SLC4A10: variants seen among roughly 807,000 people sequenced by gnomAD.
SLC4A10 encodes sodium-driven chloride bicarbonate exchanger.
Under a neutral mutation model 137.7 loss-of-function variants are expected in SLC4A10, and 42 were observed. That is an observed-to-expected ratio of 0.30 (90% CI 0.24 to 0.39). The LOEUF is 0.39. Among genes scored for constraint, SLC4A10 ranks in the 10% least tolerant of loss-of-function variants. SLC4A10 has a pLI of 1.00. For missense variants in SLC4A10, 925 were observed against 1,355.0 expected, an observed-to-expected ratio of 0.68 and a Z score of 4.98; for synonymous variants, 474 against 464.1, an observed-to-expected ratio of 1.02 and a Z score of -0.27.
chr2:161,765,608 CAAAAA>C (rs370721653), intron 1 of SLC4A10, among the ~76,000 whole-genome samples: 4 of 93,166 alleles, frequency 4.3e-5, no homozygotes, highest in Admixed American at 3.6e-4. Flanking sequence ...GAGCAAGACT[CAAAAA>C]AAAAAAAAAA....
Position 161,901,025 on chromosome 2 carries a change from A to G in SLC4A10, c.1442+14A>G. ...GCGAACTGGAAGGTTAGTGAAAATC[A>G]CTTCTATGGGACTTCAAGGACCAAA... On this transcript the variant is annotated intron_variant, in intron 12 of 26. Coordinates refer to ENST00000446997, the MANE Select transcript of SLC4A10 (RefSeq NM_001178015.2). 6.5e-7 allele frequency: 1 copy of G among 1,535,850 alleles called. No individual in the cohort carries two copies. Among genetic ancestry groups the G allele is most frequent in the Non-Finnish European group, 8.8e-7 (1 of 1,131,188 alleles).
At chr2:161,942,720 G>A (rs559087467) in intron 15 of SLC4A10, 72 bp from the exon 16 acceptor site, 67 of 1,155,000 alleles carry the variant, frequency 5.8e-5, no homozygotes, top group South Asian at 1.7e-4. Flanking sequence ...AAATGGAGCC[G>A]TTATACATTA....
chr2:161,904,322 T>C, intron 13 of SLC4A10, 144 bp downstream of exon 13: 1 of 869,518 alleles, frequency 1.2e-6, no homozygotes, highest in South Asian at 2.0e-5. Context: ...ATGAATTTCC[T>C]GGATGGCTAG....
chr2:161,859,809 C>G (rs2060328123), intron 5 of SLC4A10, among the ~76,000 whole-genome samples: 1 of 151,914 alleles, frequency 6.6e-6, no homozygotes, highest in Admixed American at 6.6e-5. Context: ...ACCGTGTTAG[C>G]CAGGATGGTC....
chr2:161,801,856 T>A (rs1559280928), intron 2 of SLC4A10, among the ~76,000 whole-genome samples: 1 of 152,088 alleles, frequency 6.6e-6, no homozygotes. Context: ...GTACTTTTTT[T>A]AAAGGTTGCA....
intron 1 of SLC4A10, among the ~76,000 whole-genome samples, chr2:161,727,786 A>G (rs1010131534): frequency 1.3e-5 from 2 of 152,186 alleles, no homozygotes; most frequent in Non-Finnish European, 2.9e-5. Context: ...AAAATCTGAC[A>G]TAACAGTTCC....
At chr2:161,758,803 A>C (rs1044388372) in intron 1 of SLC4A10, among the ~76,000 whole-genome samples, 1 of 151,960 alleles carries the variant, frequency 6.6e-6, no homozygotes, top group Admixed American at 6.6e-5. Flanking sequence ...CTACCAGTCC[A>C]TAGTATGTAA....
chr2:161,877,592 T>C (rs2061516430), intron 8 of SLC4A10, among the ~76,000 whole-genome samples: 1 of 152,142 alleles, frequency 6.6e-6, no homozygotes, highest in Non-Finnish European at 1.5e-5. Flanking sequence ...ATAAATCCCA[T>C]GAAATTTAAC....
At chr2:161,864,766 T>C (rs191672433) in intron 6 of SLC4A10, among the ~76,000 whole-genome samples, 1 of 152,130 alleles carries the variant, frequency 6.6e-6, no homozygotes, top group Non-Finnish European at 1.5e-5. Context: ...AAATCACAAT[T>C]TGCTTTAAAA....
intron 18 of SLC4A10, among the ~76,000 whole-genome samples, chr2:161,950,255 G>A (rs1694564975): frequency 6.6e-6 from 1 of 151,954 alleles, no homozygotes; most frequent in African/African-American, 2.4e-5. Flanking sequence ...CTAGCACAGT[G>A]GTCAATGTGT....
chr2:161,981,150 A>G (rs1316160209), intron 26 of SLC4A10, among the ~76,000 whole-genome samples: 1 of 152,232 alleles, frequency 6.6e-6, no homozygotes, highest in Non-Finnish European at 1.5e-5. Context: ...GATCAAGTTG[A>G]TATTATGAAT....
intron 24 of SLC4A10, among the ~76,000 whole-genome samples, chr2:161,974,628 G>T (rs566778676): frequency 6.6e-5 from 10 of 152,186 alleles, no homozygotes; most frequent in African/African-American, 9.6e-5. Context: ...ACAGATCAAG[G>T]TTCCTTTTTT....
intron 2 of SLC4A10, among the ~76,000 whole-genome samples, chr2:161,800,111 ATATCTCTGAGG>A (rs2055208836): frequency 6.6e-6 from 1 of 152,008 alleles, no homozygotes; most frequent in African/African-American, 2.4e-5. Context: ...AAGTGTCTGC[ATATCTCTGAGG>A]GTCTCTGTCT....
At position 161,882,291 on chromosome 2, in the gene SLC4A10, A is replaced by C. The variant is rs544706474; in HGVS notation, c.1107-66A>C. The C allele has an allele frequency of 1.1e-5, 10 of 924,778 alleles. No individual in the cohort carries two copies. The African/African-American group carries it at 1.7e-4, about 16-fold the overall frequency. 57.3% of individuals were successfully genotyped at this position (924,778 alleles called of 1,614,324 possible). A position where few individuals can be genotyped will look rare whatever the true frequency, so the allele number is the denominator to read the frequency against. ...TTCAGTAATTCCTTTGAGATGAGTG[A>C]TTCTGTATTACTAAAATTATTTTTA... On this transcript the variant is annotated intron_variant, in intron 9 of 26. Transcript: ENST00000446997.
intron 1 of SLC4A10, among the ~76,000 whole-genome samples, chr2:161,762,420 T>G (rs2050348299): frequency 6.6e-6 from 1 of 152,120 alleles, no homozygotes; most frequent in Non-Finnish European, 1.5e-5. Flanking sequence ...TGATACTCGT[T>G]TATATATTGC....
At chr2:161,905,176 C>G (rs116552922) in intron 14 of SLC4A10, among the ~76,000 whole-genome samples, 1 of 152,042 alleles carries the variant, frequency 6.6e-6, no homozygotes. Flanking sequence ...CCCTTTAGAC[C>G]GGTGGTCTGC....
chr2:161,975,591 C>T (rs1575959849), intron 24 of SLC4A10, among the ~76,000 whole-genome samples: 1 of 152,026 alleles, frequency 6.6e-6, no homozygotes, highest in Non-Finnish European at 1.5e-5. Flanking sequence ...CTAGGAAGAC[C>T]AAAACAGCTG....
At chr2:161,763,790 G>C (rs1432326942) in intron 1 of SLC4A10, among the ~76,000 whole-genome samples, 3 of 152,204 alleles carry the variant, frequency 2.0e-5, no homozygotes, top group East Asian at 1.9e-4. Flanking sequence ...AGAGAGCATG[G>C]GGAAAAGAGT....
intron 1 of SLC4A10, among the ~76,000 whole-genome samples, chr2:161,643,347 C>A (rs1233729385): frequency 6.6e-6 from 1 of 152,194 alleles, no homozygotes; most frequent in African/African-American, 2.4e-5. Flanking sequence ...TTTACTGAAT[C>A]TTAATTCAAA....
Sources: gnomAD v4.1 joint callset for allele counts (sites outside exome capture counted in the v4.1 genomes callset) on GRCh38, gnomAD v4.1.1 for gene constraint, MANE v1.5 for transcripts, NCBI Gene and HGNC (gene_info 2026-07-23, HGNC 2026-07-21) for gene names.